ASAP2: variants seen among roughly 807,000 people sequenced by gnomAD.
ASAP2 encodes the protein ArfGAP with SH3 domain, ankyrin repeat and PH domain 2, also known as arf-GAP with SH3 domain, ANK repeat and PH domain-containing protein 2.
A neutral mutation model predicts 131.4 loss-of-function variants in ASAP2; 45 were observed. The ratio of observed to expected loss-of-function variants is 0.34; its 90% confidence interval spans 0.27 to 0.44. ASAP2 has a LOEUF of 0.44. Among genes scored for constraint, ASAP2 ranks in the 20% least tolerant of loss-of-function variants. The probability of loss-of-function intolerance (pLI) is 1.00; values close to 1 mark genes in which losing one functional copy is unlikely to be tolerated. For synonymous variants in ASAP2, 510 were observed against 503.0 expected (o/e 1.01, Z -0.19); for missense variants, 1,011 against 1,297.0 (o/e 0.78, Z 3.39).
At chr2:9,234,385 T>C (rs991528328) in intron 1 of ASAP2, among the ~76,000 whole-genome samples, 1 of 152,142 alleles carries the variant, frequency 6.6e-6, no homozygotes, top group Non-Finnish European at 1.5e-5. Flanking sequence ...GCCTGTCGCA[T>C]GGCTGGGGCT....
At chr2:9,317,201 A>G (rs1669767979) in intron 3 of ASAP2, among the ~76,000 whole-genome samples, 1 of 133,440 alleles carries the variant, frequency 7.5e-6, no homozygotes, top group African/African-American at 2.8e-5. Flanking sequence ...ACGCAATCAC[A>G]CCCACTCACA....
chr2:9,328,058 A>G (rs1183966193), intron 7 of ASAP2, 147 bp downstream of exon 7: 7 of 556,166 alleles, frequency 1.3e-5, no homozygotes, highest in Admixed American at 1.3e-4. Context: ...CAACACGGGT[A>G]AACATTGAGA....
At chr2:9,396,831 A>G (rs60874735) in intron 24 of ASAP2, among the ~76,000 whole-genome samples, 29,607 of 152,058 alleles carry the variant, frequency 0.19, 4,767 homozygotes, top group African/African-American at 0.45. Context: ...GCAAAACCCT[A>G]TCTCTACTAA....
At chr2:9,261,029 T>C in intron 1 of ASAP2, among the ~76,000 whole-genome samples, 1 of 152,016 alleles carries the variant, frequency 6.6e-6, no homozygotes, top group East Asian at 1.9e-4. Flanking sequence ...CTGGGAGCCG[T>C]ATGACAGCCC....
chr2:9,328,076 C>A (rs1482856104), intron 7 of ASAP2, among the ~76,000 whole-genome samples, 165 bp downstream of exon 7: 1 of 152,096 alleles, frequency 6.6e-6, no homozygotes, highest in Non-Finnish European at 1.5e-5. Context: ...AGAACACGTT[C>A]AATGAAGGAA....
Position 9,392,390 on chromosome 2 carries a change from C to T in ASAP2, c.2519-1092C>T, listed in dbSNP as rs1487459286. Among the ~76,000 whole-genome samples, 2 of 152,166 alleles carry T rather than the reference C, an allele frequency of 1.3e-5. No homozygotes were observed. The highest frequency in any genetic ancestry group is 2.4e-5 in the African/African-American group (1 of 41,430). ...CTTCCAGAGCATGAGAATTCTAGAG[C>T]CGAGGTGCTCGTGACTTCCTTAGAG... On this transcript the variant is annotated intron_variant, in intron 23 of 27. Transcript: ENST00000281419. The surrounding 1 kb of genome is among the most constrained non-coding windows in gnomAD (Gnocchi z 4.0).
At chr2:9,219,854 G>A (rs1207743205) in intron 1 of ASAP2, among the ~76,000 whole-genome samples, 1 of 152,162 alleles carries the variant, frequency 6.6e-6, no homozygotes, top group Non-Finnish European at 1.5e-5. Context: ...CCCATTAGGA[G>A]TCATTCCCTA....
At chr2:9,218,875 G>A (rs984989336) in intron 1 of ASAP2, among the ~76,000 whole-genome samples, 14 of 152,096 alleles carry the variant, frequency 9.2e-5, no homozygotes, top group African/African-American at 2.9e-4. Context: ...AAGAGTGAAC[G>A]TTACCTCTTT....
intron 9 of ASAP2, among the ~76,000 whole-genome samples, chr2:9,343,531 C>T (rs150205249): frequency 0.016 from 2,506 of 152,270 alleles, 19 homozygotes; most frequent in Middle Eastern, 0.031. Flanking sequence ...ACTGCAACCT[C>T]GATCTCCCAG....
chr2:9,385,105 G>C, intron 20 of ASAP2, 140 bp from the exon 21 acceptor site: 1 of 625,824 alleles, frequency 1.6e-6, no homozygotes, highest in Non-Finnish European at 2.8e-6. Flanking sequence ...CAGAGGGGCG[G>C]GGGCTTCACC....
chr2:9,306,046 G>T (rs946940001), intron 3 of ASAP2, among the ~76,000 whole-genome samples: 2 of 143,704 alleles, frequency 1.4e-5, no homozygotes, highest in East Asian at 4.3e-4. Flanking sequence ...GGCTGTGGGA[G>T]AGTATCGATA....
At chr2:9,351,073 T>C (rs971785885) in intron 12 of ASAP2, among the ~76,000 whole-genome samples, 178 bp downstream of exon 12, 2 of 152,266 alleles carry the variant, frequency 1.3e-5, no homozygotes, top group African/African-American at 4.8e-5. Context: ...CCAGCCTTTC[T>C]AGTTGAGAGT....
chr2:9,344,167 T>A lies in ASAP2; in HGVS notation c.850-365T>A, dbSNP rs73148746. ...GTCGTTTTGCTTGGAAACCCCTGCC[T>A]TTCCACTCACTGCATCACCTCCCTC... is the stretch of plus-strand genomic sequence containing the variant. On this transcript the variant is annotated intron_variant, in intron 9 of 27. Coordinates refer to ENST00000281419, the MANE Select transcript of ASAP2 (RefSeq NM_003887.3). 5.9e-5 allele frequency among the ~76,000 whole-genome samples: 9 copies of A among 152,282 alleles called. 1 individual carries two copies. The highest frequency in any genetic ancestry group is 2.2e-4 in the African/African-American group (9 of 41,562).
At chr2:9,361,034 T>G (rs1324169447) in intron 15 of ASAP2, among the ~76,000 whole-genome samples, 2 of 152,210 alleles carry the variant, frequency 1.3e-5, no homozygotes, top group African/African-American at 4.8e-5. Context: ...TCTGTCTTGA[T>G]GAAACGATGA....
At chr2:9,312,341 C>T (rs1470753597) in intron 3 of ASAP2, among the ~76,000 whole-genome samples, 1 of 152,160 alleles carries the variant, frequency 6.6e-6, no homozygotes, top group Non-Finnish European at 1.5e-5. Context: ...CCTCATTGAC[C>T]TGGCACCAGG....
intron 12 of ASAP2, among the ~76,000 whole-genome samples, chr2:9,351,890 G>A (rs896384400): frequency 1.3e-5 from 2 of 152,140 alleles, no homozygotes; most frequent in African/African-American, 4.8e-5. Flanking sequence ...TGTGCAGAGG[G>A]TTCCAGTACC....
At chr2:9,309,090 C>T (rs1238010940) in intron 3 of ASAP2, among the ~76,000 whole-genome samples, 1 of 152,182 alleles carries the variant, frequency 6.6e-6, no homozygotes, top group Non-Finnish European at 1.5e-5. Context: ...TGCCCCGCCT[C>T]CTTTGCGCTC....
chr2:9,255,905 C>T (rs554640330), intron 1 of ASAP2, among the ~76,000 whole-genome samples: 3 of 152,036 alleles, frequency 2.0e-5, no homozygotes, highest in Non-Finnish European at 4.4e-5. Flanking sequence ...TATTTGTATG[C>T]GTATTGGTAG....
intron 3 of ASAP2, among the ~76,000 whole-genome samples, chr2:9,313,028 C>T (rs1669410183): frequency 6.6e-6 from 1 of 152,152 alleles, no homozygotes; most frequent in Non-Finnish European, 1.5e-5. Context: ...CACTGCACAC[C>T]CGCCTGGGCA....
Sources: gnomAD v4.1 joint callset for allele counts (sites outside exome capture counted in the v4.1 genomes callset) on GRCh38, gnomAD v4.1.1 for gene constraint, Gnocchi (gnomAD v3.1) non-coding constraint, MANE v1.5 for transcripts, NCBI Gene and HGNC (gene_info 2026-07-23, HGNC 2026-07-21) for gene names.